RPL22: variants seen among roughly 807,000 people sequenced by gnomAD.
RPL22 encodes the protein large ribosomal subunit protein eL22.
A neutral mutation model predicts 16.2 loss-of-function variants in RPL22; 4 were observed. That is an observed-to-expected ratio of 0.25 (90% CI 0.12 to 0.57). The LOEUF (loss-of-function observed/expected upper bound fraction) is 0.57, where lower values mean the gene tolerates loss of function less well. Among genes scored for constraint, RPL22 ranks in the 20% least tolerant of loss-of-function variants. RPL22 has a pLI of 0.92. For synonymous variants in RPL22, 43 were observed against 54.8 expected (o/e 0.78, Z 0.95); for missense variants, 83 against 156.1 (o/e 0.53, Z 2.49).
chr1:6,195,863 G>A (rs1053703509), intron 2 of RPL22, among the ~76,000 whole-genome samples: 1 of 152,108 alleles, frequency 6.6e-6, no homozygotes, highest in East Asian at 1.9e-4. Context: ...AGGGGTTCGA[G>A]ACCAGCCTGA....
intron 3 of RPL22, 45 bp downstream of exon 3, chr1:6,192,885 G>A: frequency 1.9e-6 from 3 of 1,601,556 alleles, no homozygotes; most frequent in Non-Finnish European, 2.5e-6. Flanking sequence ...AAGGCGGGCT[G>A]GGCACTGGGT....
chr1:6,187,688 G>A (rs572630017), intron 3 of RPL22, among the ~76,000 whole-genome samples: 149 of 151,698 alleles, frequency 9.8e-4, no homozygotes, highest in African/African-American at 3.5e-3. Context: ...CCATGAAAAT[G>A]CAGCAAACAC....
chr1:6,188,507 T>C (rs1667609595), intron 3 of RPL22, among the ~76,000 whole-genome samples: 2 of 149,446 alleles, frequency 1.3e-5, no homozygotes, highest in Admixed American at 1.3e-4. Flanking sequence ...CTAGGCAACA[T>C]AGCAAGACCC....
At chr1:6,193,152 G>GT in intron 2 of RPL22, 98 bp from the exon 3 acceptor site, 1 of 1,450,390 alleles carries the variant, frequency 6.9e-7, no homozygotes, top group Non-Finnish European at 9.4e-7. Flanking sequence ...ATCATTTTTT[G>GT]TTTTGGTTTT....
chr1:6,187,699 C>T (rs2100901064), intron 3 of RPL22, among the ~76,000 whole-genome samples: 1 of 152,022 alleles, frequency 6.6e-6, no homozygotes, highest in Admixed American at 6.5e-5. Context: ...CAGCAAACAC[C>T]TATAACATGG....
In RPL22 at chr1:6,185,328, G is replaced by A; in HGVS notation, c.*1344C>T. The stretch of plus-strand genomic sequence containing the variant: ...TTGCCAAAGAGCAACTGATGCCTCA[G>A]TGAAGTTTGAAAGAAACTCTGCTTT... On this transcript the variant is annotated 3_prime_UTR_variant, in exon 4 of 4. Transcript: ENST00000234875. 2.5e-6 allele frequency: 1 copy of A among 399,058 alleles called. No homozygotes were observed. Among genetic ancestry groups the A allele is most frequent in the Non-Finnish European group, 4.4e-6 (1 of 226,062 alleles). 24.7% of individuals were successfully genotyped at this position (399,058 alleles called of 1,614,324 possible).
chr1:6,198,007 GACTC>G (rs958132715), intron 1 of RPL22: 5 of 512,518 alleles, frequency 9.8e-6, no homozygotes, highest in Non-Finnish European at 1.4e-5. Flanking sequence ...TAGCACTCTT[GACTC>G]ACTCAAACTT....
chr1:6,191,872 G>A (rs144513416), intron 3 of RPL22, among the ~76,000 whole-genome samples: 10 of 151,748 alleles, frequency 6.6e-5, no homozygotes, highest in Admixed American at 1.3e-4. Context: ...GGTGGCACAT[G>A]CCTGCAATTC....
At chr1:6,199,428 C>T in intron 1 of RPL22, 134 bp downstream of exon 1, 4 of 1,435,804 alleles carry the variant, frequency 2.8e-6, no homozygotes. Flanking sequence ...CTCTGGCCCG[C>T]TCCGGCCGAC....
In RPL22 at chr1:6,185,094, G is replaced by A; in HGVS notation, c.*1578C>T. ...AAACTCGATTACAAGAGTTCAAAAA[G>A]ACATAGAAAACCAGTGAGTTTCAAT... On this transcript the variant is annotated 3_prime_UTR_variant, in exon 4 of 4. Transcript: ENST00000234875. The A allele has an allele frequency of 7.9e-6, 3 of 380,306 alleles. No homozygotes were observed. Among genetic ancestry groups the A allele is most frequent in the Non-Finnish European group, 4.6e-6 (1 of 215,402 alleles). 23.6% of individuals were successfully genotyped at this position (380,306 alleles called of 1,614,324 possible).
At chr1:6,198,085 C>T (rs1571189488) in intron 1 of RPL22, 1 of 277,558 alleles carries the variant, frequency 3.6e-6, no homozygotes, top group East Asian at 6.4e-5. Flanking sequence ...ATAAAATGAA[C>T]ACTTCCTTTT....
chr1:6,197,105 C>T (rs987314666), intron 2 of RPL22, among the ~76,000 whole-genome samples: 7 of 152,266 alleles, frequency 4.6e-5, no homozygotes, highest in Non-Finnish European at 8.8e-5. Context: ...TCTCTGCTCA[C>T]TGCCACCTCC....
intron 2 of RPL22, among the ~76,000 whole-genome samples, chr1:6,195,631 A>C (rs1318918990): frequency 6.6e-6 from 1 of 151,200 alleles, no homozygotes; most frequent in Non-Finnish European, 1.5e-5. Flanking sequence ...ACACGCCTGT[A>C]ATCTCAGCTA....
intron 3 of RPL22, among the ~76,000 whole-genome samples, chr1:6,192,484 G>T (rs1192555438): frequency 1.3e-5 from 2 of 152,066 alleles, no homozygotes; most frequent in Non-Finnish European, 2.9e-5. Context: ...GATCACTTGA[G>T]GGGAGGAATT....
At chr1:6,187,544 G>A (rs945333735) in intron 3 of RPL22, among the ~76,000 whole-genome samples, 1 of 148,826 alleles carries the variant, frequency 6.7e-6, no homozygotes, top group African/African-American at 2.5e-5. Context: ...AACCCGGGAG[G>A]CAGAGGCTGC....
intron 2 of RPL22, among the ~76,000 whole-genome samples, chr1:6,195,348 G>A (rs1409563916): frequency 6.6e-6 from 1 of 151,714 alleles, no homozygotes; most frequent in Non-Finnish European, 1.5e-5. Flanking sequence ...GGGAGGCTGA[G>A]GCAGGAGAAT....
intron 3 of RPL22, 25 bp from the exon 4 acceptor site, chr1:6,186,841 C>T: frequency 1.2e-6 from 2 of 1,610,244 alleles, no homozygotes; most frequent in Non-Finnish European, 1.7e-6. Context: ...CACAAGAACT[C>T]CACTAGACAG....
intron 3 of RPL22, among the ~76,000 whole-genome samples, chr1:6,190,941 G>A (rs886112757): frequency 3.3e-5 from 5 of 152,164 alleles, no homozygotes; most frequent in Admixed American, 2.0e-4. Flanking sequence ...GAAAGCTCTT[G>A]GTCAGACACA....
intron 2 of RPL22, among the ~76,000 whole-genome samples, chr1:6,196,591 A>G (rs3789525): frequency 0.14 from 21,685 of 152,172 alleles, 2,715 homozygotes; most frequent in African/African-American, 0.33. Context: ...GGAGACTTCT[A>G]CACACAAATA....
Sources: gnomAD v4.1 joint callset for allele counts (sites outside exome capture counted in the v4.1 genomes callset) on GRCh38, gnomAD v4.1.1 for gene constraint, MANE v1.5 for transcripts, NCBI Gene and HGNC (gene_info 2026-07-23, HGNC 2026-07-21) for gene names.